Variants in AGFG2 observed in about 807,000 individuals in gnomAD.
The protein encoded by AGFG2 is ArfGAP with FG repeats 2.
In AGFG2, 31 loss-of-function variants were observed where a neutral mutation model predicts 48.0. The observed-to-expected ratio is 0.65, with a 90% confidence interval of 0.49 to 0.87. The LOEUF (loss-of-function observed/expected upper bound fraction) is 0.87, where lower values mean the gene tolerates loss of function less well. AGFG2 is among the 40% of genes least tolerant of loss of function. The probability of loss-of-function intolerance (pLI) is 0.00; values close to 1 mark genes in which losing one functional copy is unlikely to be tolerated. For missense variants in AGFG2, 599 were observed against 632.6 expected, an observed-to-expected ratio of 0.95 and a Z score of 0.57; for synonymous variants, 229 against 260.8, an observed-to-expected ratio of 0.88 and a Z score of 1.18.
chr7:100,555,831 T>C lies in AGFG2; in HGVS notation c.877+96T>C. 2.0e-6 allele frequency: 3 copies of C among 1,508,830 alleles called. No individual in the cohort carries two copies. In the South Asian group the frequency reaches 3.7e-5, roughly 19 times the overall value. 93.5% of individuals were successfully genotyped at this position (1,508,830 alleles called of 1,614,324 possible). A position where few individuals can be genotyped will look rare whatever the true frequency, so the allele number is the denominator to read the frequency against. ...TCATATCCTCACTATCCTAAAGAAC[T>C]GCTCAAAGCAGCAAAGCACAAAGAG... On this transcript the variant is annotated intron_variant, in intron 6 of 11. Transcript: ENST00000300176.
At chr7:100,564,658 C>T (rs776587665) in intron 11 of AGFG2, among the ~76,000 whole-genome samples, 5 of 152,092 alleles carry the variant, frequency 3.3e-5, no homozygotes, top group South Asian at 2.1e-4. Flanking sequence ...TGTGCACCAC[C>T]GCACATGGCT....
intron 1 of AGFG2, among the ~76,000 whole-genome samples, chr7:100,546,599 T>G (rs566498764): frequency 6.6e-6 from 1 of 152,310 alleles, no homozygotes; most frequent in East Asian, 1.9e-4. Flanking sequence ...TCCCCCACAG[T>G]GCCTCCCATA....
chr7:100,548,807 G>A lies in AGFG2; in HGVS notation c.222-15G>A, dbSNP rs764745857. 1 of 1,597,862 alleles carries A rather than the reference G, an allele frequency of 6.3e-7. No homozygotes were observed. Among genetic ancestry groups the A allele is most frequent in the Admixed American group, 1.7e-5 (1 of 59,896 alleles). ...CTGCATTATACTTCTCTTTCTTCCTGTTTCTCTCCCATAGGAGAGGGCTGA... is the reference window on the plus strand; with the variant it reads ...CTGCATTATACTTCTCTTTCTTCCTATTTCTCTCCCATAGGAGAGGGCTGA... On this transcript the variant is annotated splice_polypyrimidine_tract_variant and intron_variant, in intron 1 of 11. Coordinates refer to ENST00000300176, the MANE Select transcript of AGFG2 (RefSeq NM_006076.5).
At chr7:100,554,407 G>A (rs1473013859) in intron 5 of AGFG2, 149 bp downstream of exon 5, 1 of 1,012,894 alleles carries the variant, frequency 9.9e-7, no homozygotes, top group African/African-American at 1.6e-5. Flanking sequence ...GAGGACTGGG[G>A]TCAAATAAGT....
At chr7:100,542,047 ACT>A (rs1326243682) in intron 1 of AGFG2, among the ~76,000 whole-genome samples, 2 of 151,956 alleles carry the variant, frequency 1.3e-5, no homozygotes, top group African/African-American at 4.8e-5. Flanking sequence ...ATGGAGTCTC[ACT>A]CTGTTGCTTA....
At chr7:100,539,774 A>T (rs1352111014) in intron 1 of AGFG2, among the ~76,000 whole-genome samples, 1 of 151,942 alleles carries the variant, frequency 6.6e-6, no homozygotes, top group Non-Finnish European at 1.5e-5. Flanking sequence ...GCAAGGCCGG[A>T]GTCGCTCTGC....
intron 6 of AGFG2, among the ~76,000 whole-genome samples, chr7:100,559,035 G>A (rs1800813866): frequency 6.6e-6 from 1 of 152,048 alleles, no homozygotes; most frequent in Non-Finnish European, 1.5e-5. Flanking sequence ...TGGGGAGGCT[G>A]AGGCAGGAAG....
At chr7:100,554,063 A>G in intron 4 of AGFG2, 30 bp from the exon 5 acceptor site, 3 of 1,595,978 alleles carry the variant, frequency 1.9e-6, no homozygotes, top group South Asian at 1.1e-5. Flanking sequence ...CTGGGATTCT[A>G]AGGGCTGTAT....
intron 3 of AGFG2, among the ~76,000 whole-genome samples, chr7:100,551,071 T>TATATATATATATA (rs1491536203): frequency 1.2e-4 from 11 of 90,352 alleles, no homozygotes; most frequent in African/African-American, 4.1e-4. Context: ...TATATATTTC[T>TATATATATATATA]TTTTTTTTTT....
chr7:100,558,545 G>GTTTTTT (rs36124305), intron 6 of AGFG2, among the ~76,000 whole-genome samples: 30 of 135,480 alleles, frequency 2.2e-4, no homozygotes, highest in Non-Finnish European at 3.7e-4. Flanking sequence ...TTTTGTTTTT[G>GTTTTTT]TTTTTTTTTT....
At chr7:100,555,889 C>G in intron 6 of AGFG2, 154 bp downstream of exon 6, 2 of 1,073,970 alleles carry the variant, frequency 1.9e-6, no homozygotes, top group Non-Finnish European at 2.6e-6. Context: ...GCGTGTCTGA[C>G]ACATTCTTGT....
chr7:100,541,718 G>A (rs1400830061), intron 1 of AGFG2, among the ~76,000 whole-genome samples: 2 of 148,388 alleles, frequency 1.3e-5, no homozygotes, highest in South Asian at 2.1e-4. Context: ...AGCCGAGATC[G>A]CACCACTGCA....
In AGFG2 at chr7:100,548,885, A is replaced by G; in HGVS notation, c.285A>G (p.Glu95=). The part of the protein sequence containing the change: ...SISMTTFTEP[E]VVFLQSRGNE... ...CCATGACAACTTTCACTGAGCCTGAAGTAGTATTCCTGCAATCCCGTGGAA... is the reference window on the plus strand; with the variant it reads ...CCATGACAACTTTCACTGAGCCTGAGGTAGTATTCCTGCAATCCCGTGGAA... The change falls in exon 2 of 12, where the codon GAA becomes GAG. Residue 95 remains glutamate (E), a synonymous_variant. Coordinates refer to ENST00000300176, the MANE Select transcript of AGFG2 (RefSeq NM_006076.5). 6.2e-7 allele frequency: 1 copy of G among 1,613,732 alleles called. No homozygotes were observed. Among genetic ancestry groups the G allele is most frequent in the Non-Finnish European group, 8.5e-7 (1 of 1,179,774 alleles).
At position 100,554,119 on chromosome 7, in the gene AGFG2, A is replaced by G. The variant is rs1466487895; in HGVS notation, c.612A>G (p.Thr204=). The change falls in exon 5 of 12, where the codon ACA becomes ACG. Residue 204 remains threonine, a synonymous_variant. Transcript: ENST00000300176. ...SQPVSQSHAR[T]SQARSTQPPP... is the part of the protein sequence containing the mutation. Reference sequence around the variant, plus strand: ...CCGTCAGTCAGTCTCACGCTCGGACATCCCAGGCCCGGAGCACTCAGCCAC... The same window carrying G: ...CCGTCAGTCAGTCTCACGCTCGGACGTCCCAGGCCCGGAGCACTCAGCCAC... 9 of 1,613,870 alleles carry G rather than the reference A, an allele frequency of 5.6e-6. No individual in the cohort carries two copies. The highest frequency in any genetic ancestry group is 4.5e-5 in the East Asian group (2 of 44,894).
chr7:100,555,263 GTTTTTTT>G (rs1166680394), intron 5 of AGFG2, among the ~76,000 whole-genome samples: 4 of 75,148 alleles, frequency 5.3e-5, no homozygotes, highest in Non-Finnish European at 1.0e-4. Flanking sequence ...TGTGTGTGTG[GTTTTTTT>G]TTTTTTTTTT....
intron 6 of AGFG2, among the ~76,000 whole-genome samples, chr7:100,558,044 T>C (rs1800791849): frequency 6.6e-6 from 1 of 151,958 alleles, no homozygotes. Flanking sequence ...TGAAACCCTG[T>C]CTCTGCTAAA....
chr7:100,549,819 A>C (rs1239543519), intron 2 of AGFG2, among the ~76,000 whole-genome samples: 1 of 152,086 alleles, frequency 6.6e-6, no homozygotes, highest in Non-Finnish European at 1.5e-5. Flanking sequence ...CAGCCTCCCA[A>C]GTAGCTCGAA....
In AGFG2 at chr7:100,539,412, G is replaced by T; in HGVS notation, c.66G>T (p.Ala22=). ...GGGVSGGKAE[A]EAASEVWCRR... ...GGGTCAGCGGGGGCAAGGCGGAGGC[G>T]GAGGCGGCCTCGGAGGTGTGGTGCC... is the stretch of plus-strand genomic sequence containing the variant. Residue 22 remains alanine (A), a synonymous_variant, in exon 1 of 12, where the codon GCG becomes GCT. Coordinates refer to ENST00000300176, the MANE Select transcript of AGFG2 (RefSeq NM_006076.5). 1 of 1,317,918 alleles carries T rather than the reference G, an allele frequency of 7.6e-7. No homozygotes were observed. The allele number at this position is 1,317,918 out of a possible 1,614,324, so 81.6% of individuals were successfully genotyped here.
intron 1 of AGFG2, among the ~76,000 whole-genome samples, chr7:100,546,727 G>C (rs1800517943): frequency 6.6e-6 from 1 of 152,234 alleles, no homozygotes; most frequent in South Asian, 2.1e-4. Context: ...TTCTGAAGGG[G>C]AAGGGCCTAG....
Sources: allele counts gnomAD v4.1 joint callset (sites outside exome capture counted in the v4.1 genomes callset), GRCh38; gene constraint gnomAD v4.1.1; transcripts MANE v1.5; gene names NCBI Gene and HGNC (gene_info 2026-07-23, HGNC 2026-07-21).